RABIF: variants seen among roughly 807,000 people sequenced by gnomAD.
The protein encoded by RABIF is guanine nucleotide exchange factor MSS4.
Under a neutral mutation model 12.3 loss-of-function variants are expected in RABIF, and 13 were observed. The observed-to-expected ratio is 1.06, with a 90% confidence interval of 0.69 to 1.68. RABIF has a LOEUF of 1.68. RABIF is among the 40% of genes most tolerant of loss of function. RABIF has a pLI of 0.00. For missense variants in RABIF, 153 were observed against 158.0 expected, an observed-to-expected ratio of 0.97 and a Z score of 0.17; for synonymous variants, 70 against 63.3, an observed-to-expected ratio of 1.11 and a Z score of -0.50.
intron 1 of RABIF, among the ~76,000 whole-genome samples, chr1:202,883,990 T>C (rs1659525781): frequency 6.6e-6 from 1 of 152,220 alleles, no homozygotes; most frequent in South Asian, 2.1e-4. Flanking sequence ...CGGAATGTAA[T>C]GAGGCTTTCT....
At chr1:202,881,577 A>AT (rs947775508) in intron 1 of RABIF, among the ~76,000 whole-genome samples, 25 of 148,910 alleles carry the variant, frequency 1.7e-4, no homozygotes, top group African/African-American at 2.7e-4. Context: ...AATTTTTTGT[A>AT]TTTTTTTTTT....
At position 202,880,686 on chromosome 1, in the gene RABIF, T is replaced by G; in HGVS notation, c.*292A>C. On this transcript the variant is annotated 3_prime_UTR_variant, in exon 2 of 2. Coordinates refer to ENST00000367262, the MANE Select transcript of RABIF (RefSeq NM_002871.5). ...GGGAGCCCCTGGGCAAAACAGAGCCTAGGGAGAATGCCAGGGAAGAGATGA... is the reference window on the plus strand; with the variant it reads ...GGGAGCCCCTGGGCAAAACAGAGCCGAGGGAGAATGCCAGGGAAGAGATGA... 3.5e-6 allele frequency: 4 copies of G among 1,137,398 alleles called. No individual in the cohort carries two copies. Among genetic ancestry groups the G allele is most frequent in the Non-Finnish European group, 4.3e-6 (4 of 922,076 alleles). The allele number at this position is 1,137,398 out of a possible 1,614,324, so 70.5% of individuals were successfully genotyped here.
rs201348739 is a variant in RABIF at position 202,880,968 on chromosome 1, C to T, written c.*10G>A. 18 of 1,612,782 alleles carry T rather than the reference C, an allele frequency of 1.1e-5. No homozygotes were observed. Among genetic ancestry groups the T allele is most frequent in the Non-Finnish European group, 1.5e-5 (18 of 1,179,012 alleles). On this transcript the variant is annotated 3_prime_UTR_variant, in exon 2 of 2. Transcript: ENST00000367262. ...TCTTTGGAGATGGAGCTGAGTACCC[C>T]TCCCCTCAGTTACTCATGGGAAACT...
rs745886842 is a variant in RABIF, at chr1:202,879,936, T to C, written c.*1042A>G. 1 of 152,196 alleles carries C rather than the reference T, an allele frequency of 6.6e-6. No homozygotes were observed. The highest frequency in any genetic ancestry group is 1.5e-5 in the Non-Finnish European group (1 of 68,040). 9.4% of individuals were successfully genotyped at this position (152,196 alleles called of 1,614,324 possible). On this transcript the variant is annotated 3_prime_UTR_variant, in exon 2 of 2. Transcript: ENST00000367262. ...GAAGGCTTAAACACGTCTGCTGATA[T>C]CAAACTGTTAGAGCAGCCCCGGAGC... is the stretch of plus-strand genomic sequence containing the variant.
At position 202,885,969 on chromosome 1, in the gene RABIF, A is replaced by ACCC. The variant is rs1184736839; in HGVS notation, c.126+3003_126+3004insGGG. 4.7e-3 allele frequency among the ~76,000 whole-genome samples: 704 copies of ACCC among 151,320 alleles called. 5 individuals are homozygous for ACCC. The highest frequency in any genetic ancestry group is 0.013 in the South Asian group (64 of 4,776). The stretch of plus-strand genomic sequence containing the variant: ...CATTGTTAAAAAACACAACCCAAAA[A>ACCC]AAAAAAAACCCACCTTTTTGCCTTT... On this transcript the variant is annotated intron_variant, in intron 1 of 1. Transcript: ENST00000367262.
chr1:202,879,541 C>T lies in RABIF; in HGVS notation c.*1437G>A, dbSNP rs1310064904. Reference sequence around the variant, plus strand: ...TTTCTGCACATGCCATAACGATGGACATGTGACCGTTTGTCGGAAAAACAC... The same window carrying T: ...TTTCTGCACATGCCATAACGATGGATATGTGACCGTTTGTCGGAAAAACAC... On this transcript the variant is annotated 3_prime_UTR_variant, in exon 2 of 2. Coordinates refer to ENST00000367262, the MANE Select transcript of RABIF (RefSeq NM_002871.5). The T allele has an allele frequency of 6.6e-6, 1 of 152,218 alleles. No homozygotes were observed. The highest frequency in any genetic ancestry group is 2.4e-5 in the African/African-American group (1 of 41,442). 9.4% of individuals were successfully genotyped at this position (152,218 alleles called of 1,614,324 possible).
intron 1 of RABIF, among the ~76,000 whole-genome samples, chr1:202,882,104 G>A (rs569976472): frequency 2.0e-5 from 3 of 152,314 alleles, no homozygotes; most frequent in Admixed American, 6.5e-5. Flanking sequence ...CCAGGGCTAG[G>A]CGTGGTGGTA....
At chr1:202,883,152 G>A (rs1390857437) in intron 1 of RABIF, among the ~76,000 whole-genome samples, 1 of 152,076 alleles carries the variant, frequency 6.6e-6, no homozygotes, top group African/African-American at 2.4e-5. Context: ...TCATATGGCT[G>A]CTGTCATATC....
intron 1 of RABIF, among the ~76,000 whole-genome samples, chr1:202,887,619 TC>T (rs1347892161): frequency 6.6e-6 from 1 of 151,610 alleles, no homozygotes; most frequent in Non-Finnish European, 1.5e-5. Context: ...TGCCTCAGCC[TC>T]CCGAGTAGCT....
rs564945616 is a variant in RABIF, at chr1:202,888,689, G to A, written c.126+284C>T. Among the ~76,000 whole-genome samples, 18 of 152,260 alleles carry A rather than the reference G, an allele frequency of 1.2e-4. No homozygotes were observed. The East Asian group carries it at 2.9e-3, about 25-fold the overall frequency. On this transcript the variant is annotated intron_variant, in intron 1 of 1. Transcript: ENST00000367262. The stretch of plus-strand genomic sequence containing the variant: ...TGGACGGCGGCGGGGCGCACGGCCC[G>A]CGCTCGAAGCCCCCCCGGGGGCAGA...
intron 1 of RABIF, among the ~76,000 whole-genome samples, chr1:202,882,183 C>A (rs1389619725): frequency 6.6e-6 from 1 of 152,034 alleles, no homozygotes; most frequent in African/African-American, 2.4e-5. Context: ...AGTTCAAGAC[C>A]AGCCTAGGCA....
chr1:202,883,461 T>C (rs1416003079), intron 1 of RABIF, among the ~76,000 whole-genome samples: 5 of 152,238 alleles, frequency 3.3e-5, no homozygotes, highest in Admixed American at 6.5e-5. Context: ...GAAACCTGGA[T>C]TCTAGTCGCA....
intron 1 of RABIF, among the ~76,000 whole-genome samples, chr1:202,885,886 T>C (rs1239885236): frequency 6.6e-6 from 1 of 151,734 alleles, no homozygotes; most frequent in Non-Finnish European, 1.5e-5. Context: ...GAAAAAGGGA[T>C]AGGATTCTTC....
In RABIF at chr1:202,880,108, A is replaced by G. The variant is rs1425770868; in HGVS notation, c.*870T>C. 1 of 152,208 alleles carries G rather than the reference A, an allele frequency of 6.6e-6. No individual in the cohort carries two copies. The highest frequency in any genetic ancestry group is 1.5e-5 in the Non-Finnish European group (1 of 68,044). The allele number at this position is 152,208 out of a possible 1,614,324, so 9.4% of individuals were successfully genotyped here. Reference sequence around the variant, plus strand: ...ATTAAAGAAGTCTTGCCTATGAACAAAAGAAGAAAGTTACTTGTCCAGATG... The same window carrying G: ...ATTAAAGAAGTCTTGCCTATGAACAGAAGAAGAAAGTTACTTGTCCAGATG... On this transcript the variant is annotated 3_prime_UTR_variant, in exon 2 of 2. Transcript: ENST00000367262.
In RABIF at chr1:202,880,684, C is replaced by T; in HGVS notation, c.*294G>A. 8.8e-7 allele frequency: 1 copy of T among 1,132,824 alleles called. No homozygotes were observed. Among genetic ancestry groups the T allele is most frequent in the Non-Finnish European group, 1.1e-6 (1 of 919,346 alleles). 70.2% of individuals were successfully genotyped at this position (1,132,824 alleles called of 1,614,324 possible). A position where few individuals can be genotyped will look rare whatever the true frequency, so the allele number is the denominator to read the frequency against. On this transcript the variant is annotated 3_prime_UTR_variant, in exon 2 of 2. Coordinates refer to ENST00000367262, the MANE Select transcript of RABIF (RefSeq NM_002871.5). Reference sequence around the variant, plus strand: ...GCGGGAGCCCCTGGGCAAAACAGAGCCTAGGGAGAATGCCAGGGAAGAGAT... The same window carrying T: ...GCGGGAGCCCCTGGGCAAAACAGAGTCTAGGGAGAATGCCAGGGAAGAGAT...
intron 1 of RABIF, among the ~76,000 whole-genome samples, chr1:202,885,188 T>G (rs1391700332): frequency 6.6e-6 from 1 of 152,022 alleles, no homozygotes; most frequent in Non-Finnish European, 1.5e-5. Flanking sequence ...CCTCCCTCAT[T>G]CTGACAACTA....
rs534553150 is a variant in RABIF, at chr1:202,884,870, A to C, written c.127-3647T>G. On this transcript the variant is annotated intron_variant, in intron 1 of 1. Coordinates refer to ENST00000367262, the MANE Select transcript of RABIF (RefSeq NM_002871.5). ...GAGGCTGAGGTGGCCGGATCACCTG[A>C]GGTCAGGAGTTCAAGACCAGCCTGG... Among the ~76,000 whole-genome samples, 27 of 152,108 alleles carry C rather than the reference A, an allele frequency of 1.8e-4. 1 individual carries two copies. The South Asian group carries it at 2.1e-3, about 12-fold the overall frequency.
In RABIF at chr1:202,878,587, G is replaced by A. The variant is rs1659443038; in HGVS notation, c.*2391C>T. Reference sequence around the variant, plus strand: ...TGTGTAGCCTCATATACAACATGGTGACAATTTGTGAAATGTCAGTACACC... The same window carrying A: ...TGTGTAGCCTCATATACAACATGGTAACAATTTGTGAAATGTCAGTACACC... On this transcript the variant is annotated 3_prime_UTR_variant, in exon 2 of 2. Transcript: ENST00000367262. Among the ~76,000 whole-genome samples, 1 of 152,200 alleles carries A rather than the reference G, an allele frequency of 6.6e-6. No individual in the cohort carries two copies. The highest frequency in any genetic ancestry group is 6.5e-5 in the Admixed American group (1 of 15,284).
chr1:202,885,639 TTCTC>T (rs572470249), intron 1 of RABIF, among the ~76,000 whole-genome samples: 7 of 152,254 alleles, frequency 4.6e-5, no homozygotes, highest in Non-Finnish European at 7.3e-5. Context: ...AAGCTGCTTG[TTCTC>T]TCTAAGGATG....
Sources: allele counts gnomAD v4.1 joint callset (sites outside exome capture counted in the v4.1 genomes callset), GRCh38; gene constraint gnomAD v4.1.1; transcripts MANE v1.5; gene names NCBI Gene and HGNC (gene_info 2026-07-23, HGNC 2026-07-21).